The following SMIM29 variants were observed in gnomAD, a reference collection of about 807,000 sequenced individuals.
SMIM29 encodes the protein small integral membrane protein 29, also known as uncharacterized protein C6orf1.
In SMIM29, 4 loss-of-function variants were observed where a neutral mutation model predicts 12.9. That is an observed-to-expected ratio of 0.31 (90% CI 0.15 to 0.71). The LOEUF is 0.71. Ranked by LOEUF, SMIM29 falls within the 30% of genes least tolerant of loss-of-function variation. The pLI is 0.70. For missense variants in SMIM29, 122 were observed against 138.1 expected (o/e 0.88, Z 0.58); for synonymous variants, 50 against 52.0 (o/e 0.96, Z 0.17).
chr6:34,246,989 G>T (rs1762812688), intron 4 of SMIM29, 55 bp downstream of exon 4: 1 of 1,612,936 alleles, frequency 6.2e-7, no homozygotes, highest in Non-Finnish European at 8.5e-7. Context: ...GTATGGCTGG[G>T]AACAGGGCTG....
rs1438072008 is a variant in SMIM29, at chr6:34,246,816, T to C, written c.296A>G (p.Asp99Gly). The C allele has an allele frequency of 6.2e-7, 1 of 1,612,720 alleles. No homozygotes were observed. Among genetic ancestry groups the C allele is most frequent in the Non-Finnish European group, 8.5e-7 (1 of 1,179,852 alleles). ...GYQHKRMPLL[D>G]VKT is the part of the protein sequence containing the mutation. Reference sequence around the variant, plus strand: ...AAGGGGGTCAGGTCACGTCTTGACATCCAGCAGTGGCATCCGCTTGTGCTG... The same window carrying C: ...AAGGGGGTCAGGTCACGTCTTGACACCCAGCAGTGGCATCCGCTTGTGCTG... Residue 99 changes from aspartate to glycine, a missense_variant, in exon 5 of 5, where the codon GAT (aspartate) becomes GGT (glycine). Transcript: ENST00000476320.
chr6:34,247,667 T>C lies in SMIM29; in HGVS notation c.111+14A>G. 1 of 1,421,508 alleles carries C rather than the reference T, an allele frequency of 7.0e-7. No homozygotes were observed. The highest frequency in any genetic ancestry group is 2.6e-5 in the East Asian group (1 of 39,110). The allele number at this position is 1,421,508 out of a possible 1,614,324, so 88.1% of individuals were successfully genotyped here. On this transcript the variant is annotated intron_variant, in intron 2 of 4. Transcript: ENST00000476320. The stretch of plus-strand genomic sequence containing the variant: ...AAAGCTGTGGGTGTCTGTGTGTATA[T>C]GAGGGCTCCTTACCACAGCCACCAC...
intron 4 of SMIM29, 86 bp from the exon 5 acceptor site, chr6:34,246,954 C>G: frequency 6.2e-7 from 1 of 1,606,438 alleles, no homozygotes; most frequent in Non-Finnish European, 8.5e-7. Flanking sequence ...TAAGCAGAAC[C>G]AGGCTCTGGT....
At position 34,246,474 on chromosome 6, in the gene SMIM29, G is replaced by A; in HGVS notation, c.*329C>T. On this transcript the variant is annotated 3_prime_UTR_variant, in exon 5 of 5. Transcript: ENST00000476320. ...CCATCACCATGGAAACAACTCCAAA[G>A]CCTGCCTGGGGATTTGTGCCCAAGC... 6.6e-7 allele frequency: 1 copy of A among 1,516,298 alleles called. No individual in the cohort carries two copies. Among genetic ancestry groups the A allele is most frequent in the South Asian group, 1.3e-5 (1 of 75,128 alleles). The allele number at this position is 1,516,298 out of a possible 1,614,324, so 93.9% of individuals were successfully genotyped here. A position where few individuals can be genotyped will look rare whatever the true frequency, so the allele number is the denominator to read the frequency against.
Position 34,247,778 on chromosome 6 carries a change from G to A in SMIM29, c.14C>T (p.Thr5Ile). 1 of 1,333,260 alleles carries A rather than the reference G, an allele frequency of 7.5e-7. No homozygotes were observed. The highest frequency in any genetic ancestry group is 9.5e-7 in the Non-Finnish European group (1 of 1,047,586). The allele number at this position is 1,333,260 out of a possible 1,614,324, so 82.6% of individuals were successfully genotyped here. Residue 5 changes from threonine (T) to isoleucine (I), a missense_variant, in exon 2 of 5, where the codon ACT (threonine) becomes ATT (isoleucine). Coordinates refer to ENST00000476320, the MANE Select transcript of SMIM29 (RefSeq NM_001008703.4). ...GTTGGCCTGGGGGGCATTGGGCACA[G>A]TGGTGTTACTCATGACATCAGCAGC... MSNT[T>I]VPNAPQANSD...
rs951449864 is a variant in SMIM29 at position 34,246,446 on chromosome 6, G to T, written c.*357C>A. 2.4e-5 allele frequency: 35 copies of T among 1,472,430 alleles called. No individual in the cohort carries two copies. The highest frequency in any genetic ancestry group is 3.1e-5 in the Non-Finnish European group (34 of 1,097,544). 91.2% of individuals were successfully genotyped at this position (1,472,430 alleles called of 1,614,324 possible). The stretch of plus-strand genomic sequence containing the variant: ...ATATATACTGAATACTATACATCTG[G>T]CCCCATCACCATGGAAACAACTCCA... On this transcript the variant is annotated 3_prime_UTR_variant, in exon 5 of 5. Transcript: ENST00000476320.
rs916279455 is a variant in SMIM29 at position 34,248,960 on chromosome 6, C to T, written c.-74+19G>A. 1.0e-6 allele frequency: 1 copy of T among 985,552 alleles called. No homozygotes were observed. Among genetic ancestry groups the T allele is most frequent in the African/African-American group, 1.7e-5 (1 of 57,376 alleles). The allele number at this position is 985,552 out of a possible 1,614,324, so 61.1% of individuals were successfully genotyped here. A position where few individuals can be genotyped will look rare whatever the true frequency, so the allele number is the denominator to read the frequency against. ...CCGTGCCGGCGCTCTGCAGCCCAGC[C>T]GGCCTGGCCATGCCTTACCTCCCGC... On this transcript the variant is annotated intron_variant, in intron 1 of 4. Transcript: ENST00000476320.
chr6:34,247,981 G>T (rs1762872634), intron 1 of SMIM29, 117 bp from the exon 2 acceptor site: 4 of 1,230,630 alleles, frequency 3.3e-6, no homozygotes, highest in Non-Finnish European at 4.0e-6. Flanking sequence ...TGGGAGGAGG[G>T]ATCCTCCAGG....
chr6:34,247,147 A>AC lies in SMIM29; in HGVS notation c.139dup (p.Val47GlyfsTer15), dbSNP rs1762825805. 1 of 1,613,858 alleles carries AC rather than the reference A, an allele frequency of 6.2e-7. No individual in the cohort carries two copies. Among genetic ancestry groups the AC allele is most frequent in the African/African-American group, 1.3e-5 (1 of 74,892 alleles). On this transcript the variant is annotated frameshift_variant and splice_region_variant, in exon 4 of 5. Coordinates refer to ENST00000476320, the MANE Select transcript of SMIM29 (RefSeq NM_001008703.4). LOFTEE classifies it high-confidence loss of function. The stretch of plus-strand genomic sequence containing the variant: ...GAGCAGGTGATGGCGCAGCCGGTCC[A>AC]CCCTGGGGAGCAGGGGAGGGGACTC...
chr6:34,248,508 G>A (rs1762894711), intron 1 of SMIM29: 2 of 984,476 alleles, frequency 2.0e-6, no homozygotes, highest in South Asian at 9.4e-5. Context: ...TCTCCACCCG[G>A]GGCTCCGCCC....
At position 34,247,449 on chromosome 6, in the gene SMIM29, G is replaced by A; in HGVS notation, c.137+18C>T. On this transcript the variant is annotated intron_variant, in intron 3 of 4. Transcript: ENST00000476320. ...AACGGGTGTGGGGTTAGGGCGGGTG[G>A]GGGACAGGGACACTCACCGCTTTTT... is the stretch of plus-strand genomic sequence containing the variant. The A allele has an allele frequency of 2.5e-6, 4 of 1,575,130 alleles. No homozygotes were observed. Among genetic ancestry groups the A allele is most frequent in the Non-Finnish European group, 3.5e-6 (4 of 1,159,126 alleles).
At chr6:34,247,613 G>A (rs1762855819) in intron 2 of SMIM29, 68 bp downstream of exon 2, 4 of 1,458,304 alleles carry the variant, frequency 2.7e-6, no homozygotes, top group Non-Finnish European at 3.6e-6. Flanking sequence ...GTGCAGACTG[G>A]ACCAGGCCCA....
intron 2 of SMIM29, 59 bp from the exon 3 acceptor site, chr6:34,247,551 G>C (rs1445632435): frequency 6.5e-7 from 1 of 1,545,952 alleles, no homozygotes; most frequent in Admixed American, 2.0e-5. Flanking sequence ...CACAGGCAGA[G>C]AGAGGCCCAC....
Position 34,246,848 on chromosome 6 carries a change from ACT to A in SMIM29, c.262_263del (p.Ser88TrpfsTer17). 3 of 1,610,272 alleles carry A rather than the reference ACT, an allele frequency of 1.9e-6. No homozygotes were observed. Among genetic ancestry groups the A allele is most frequent in the Non-Finnish European group, 2.5e-6 (3 of 1,178,142 alleles). ...GDPKVVHGWQ[S>X]GYQHKRMPLL... is the part of the protein sequence containing the mutation. ...GTGGCATCCGCTTGTGCTGGTAGCCACTCTGCCAGCCATGTACCACCTGTCGG... is the reference window on the plus strand; with the variant it reads ...GTGGCATCCGCTTGTGCTGGTAGCCACTGCCAGCCATGTACCACCTGTCGG... On this transcript the variant is annotated frameshift_variant, in exon 5 of 5. Transcript: ENST00000476320. LOFTEE classifies it high-confidence loss of function.
At chr6:34,248,697 T>G in intron 1 of SMIM29, 2 of 985,414 alleles carry the variant, frequency 2.0e-6, no homozygotes, top group Non-Finnish European at 2.4e-6. Context: ...CCCGTGTCCG[T>G]AGGGCACGGG....
chr6:34,247,080 A>G lies in SMIM29; in HGVS notation c.207T>C (p.Ala69=), dbSNP rs1333723170. ...CCATGTCAGAGAGCAGCTCCTGCTC[A>G]GCCTCATGCAGTTCCTCAGCTGGGT... The part of the protein sequence containing the change: ...SYDPAEELHE[A]EQELLSDMGD... The change falls in exon 4 of 5, where the codon GCT becomes GCC. Residue 69 remains alanine (A), a synonymous_variant. Transcript: ENST00000476320. The G allele has an allele frequency of 6.2e-7, 1 of 1,614,012 alleles. No homozygotes were observed. Among genetic ancestry groups the G allele is most frequent in the Non-Finnish European group, 8.5e-7 (1 of 1,180,018 alleles).
In SMIM29 at chr6:34,246,814, C is replaced by T. The variant is rs774796182; in HGVS notation, c.298G>A (p.Val100Ile). 6.2e-7 allele frequency: 1 copy of T among 1,612,798 alleles called. No individual in the cohort carries two copies. Among genetic ancestry groups the T allele is most frequent in the Non-Finnish European group, 8.5e-7 (1 of 1,179,864 alleles). ...YQHKRMPLLD[V>I]KT is the part of the protein sequence containing the mutation. ...GCAAGGGGGTCAGGTCACGTCTTGA[C>T]ATCCAGCAGTGGCATCCGCTTGTGC... The change falls in exon 5 of 5, where the codon GTC (valine) becomes ATC (isoleucine). Residue 100 changes from valine to isoleucine, a missense_variant. Val to Ile is a conservative substitution (Grantham distance 29). Transcript: ENST00000476320.
intron 2 of SMIM29, 54 bp from the exon 3 acceptor site, chr6:34,247,546 G>A (rs1290233030): frequency 1.9e-6 from 3 of 1,547,346 alleles, no homozygotes; most frequent in Non-Finnish European, 2.6e-6. Context: ...AGGCCCACAG[G>A]CAGAGAGAGG....
At chr6:34,248,602 G>A (rs1255097947) in intron 1 of SMIM29, 34 of 985,484 alleles carry the variant, frequency 3.5e-5, no homozygotes, top group Non-Finnish European at 4.0e-5. Flanking sequence ...GATCGTCCTG[G>A]GGCAGTTTGC....
Sources: allele counts gnomAD v4.1 joint callset, GRCh38; gene constraint gnomAD v4.1.1; transcripts MANE v1.5; gene names NCBI Gene and HGNC (gene_info 2026-07-23, HGNC 2026-07-21).